The following ZDHHC6 variants were observed in gnomAD, a reference collection of about 807,000 sequenced individuals.
ZDHHC6 encodes zDHHC palmitoyltransferase 6, also known as palmitoyltransferase ZDHHC6.
Under a neutral mutation model 57.8 loss-of-function variants are expected in ZDHHC6, and 32 were observed. That is an observed-to-expected ratio of 0.55 (90% confidence interval 0.42 to 0.74). The LOEUF (loss-of-function observed/expected upper bound fraction) is 0.74, where lower values mean the gene tolerates loss of function less well. Ranked by LOEUF, ZDHHC6 falls within the 30% of genes least tolerant of loss-of-function variation. The pLI, the probability that ZDHHC6 is intolerant of heterozygous loss-of-function variation, is 0.00. For missense variants in ZDHHC6, 433 were observed against 500.7 expected (o/e 0.86, Z 1.29); for synonymous variants, 128 against 158.0 (o/e 0.81, Z 1.42).
chr10:112,431,599 T>TCAC (rs1429767391), intron 10 of ZDHHC6, among the ~76,000 whole-genome samples: 1 of 152,082 alleles, frequency 6.6e-6, no homozygotes, highest in African/African-American at 2.4e-5. Flanking sequence ...CAGGCATGAG[T>TCAC]CACCACACCT....
downstream of ZDHHC6, chr10:112,427,288 C>A (rs1844768777): frequency 6.2e-7 from 1 of 1,613,802 alleles, no homozygotes; most frequent in African/African-American, 1.3e-5. Flanking sequence ...ACATTGAAAG[C>A]AAAGCGAGGA....
intron 5 of ZDHHC6, among the ~76,000 whole-genome samples, chr10:112,439,207 A>G (rs1845833470): frequency 1.3e-5 from 2 of 152,046 alleles, no homozygotes; most frequent in Non-Finnish European, 2.9e-5. Context: ...CAAACAAACA[A>G]ACAACAATAA....
rs1440413870 is a variant in ZDHHC6, at chr10:112,430,431, A to G, written c.*373T>C. The G allele has an allele frequency of 6.4e-6, 1 of 156,990 alleles. No homozygotes were observed. Among genetic ancestry groups the G allele is most frequent in the Non-Finnish European group, 1.4e-5 (1 of 71,244 alleles). The allele number at this position is 156,990 out of a possible 1,614,324, so 9.7% of individuals were successfully genotyped here. A position where few individuals can be genotyped will look rare whatever the true frequency, so the allele number is the denominator to read the frequency against. On this transcript the variant is annotated 3_prime_UTR_variant, in exon 11 of 11. Coordinates refer to ENST00000369405, the MANE Select transcript of ZDHHC6 (RefSeq NM_022494.3). ...TAGTATCTAGAATATCATATAAGAA[A>G]TATCAACTGAGGGAAAAGAGAAGTA...
chr10:112,432,127 T>C (rs952554998), intron 10 of ZDHHC6, 113 bp downstream of exon 10: 6 of 993,496 alleles, frequency 6.0e-6, no homozygotes, highest in African/African-American at 4.9e-5. Context: ...TATACCCTTC[T>C]ATGCAGTTCC....
In ZDHHC6 at chr10:112,430,799, A is replaced by G. The variant is rs1232246837; in HGVS notation, c.*5T>C. The G allele has an allele frequency of 6.2e-7, 1 of 1,610,490 alleles. No homozygotes were observed. The highest frequency in any genetic ancestry group is 2.2e-5 in the East Asian group (1 of 44,836). ...ACTTAAAGGATAATTTTGTTTTAACAGCAGCTATCTATTTTTCTTCTCCCC... is the reference window on the plus strand; with the variant it reads ...ACTTAAAGGATAATTTTGTTTTAACGGCAGCTATCTATTTTTCTTCTCCCC... On this transcript the variant is annotated 3_prime_UTR_variant, in exon 11 of 11. Coordinates refer to ENST00000369405, the MANE Select transcript of ZDHHC6 (RefSeq NM_022494.3).
chr10:112,433,178 T>C lies in ZDHHC6; in HGVS notation c.945+62A>G, dbSNP rs188698236. Reference sequence around the variant, plus strand: ...TTTCTAGTCAGTCAATTAAAAAAACTGTATGGAAGTACAGAGCCTAACAAA... The same window carrying C: ...TTTCTAGTCAGTCAATTAAAAAAACCGTATGGAAGTACAGAGCCTAACAAA... On this transcript the variant is annotated intron_variant, in intron 8 of 10. Coordinates refer to ENST00000369405, the MANE Select transcript of ZDHHC6 (RefSeq NM_022494.3). The C allele has an allele frequency of 2.0e-4, 266 of 1,363,818 alleles. 3 individuals are homozygous for C. In the East Asian group the frequency reaches 5.8e-3, roughly 30 times the overall value. The allele number at this position is 1,363,818 out of a possible 1,614,324, so 84.5% of individuals were successfully genotyped here. A position where few individuals can be genotyped will look rare whatever the true frequency, so the allele number is the denominator to read the frequency against.
At chr10:112,426,751 A>C (rs201153352), downstream of ZDHHC6, 3 of 1,594,876 alleles carry the variant, frequency 1.9e-6, no homozygotes, top group South Asian at 1.1e-5. Context: ...AGGCTTTTTG[A>C]AACAGCCATG....
chr10:112,437,048 CA>C (rs1437120884), intron 6 of ZDHHC6, among the ~76,000 whole-genome samples: 1 of 151,672 alleles, frequency 6.6e-6, no homozygotes, highest in Admixed American at 6.6e-5. Context: ...AACATTTTCT[CA>C]AAAACGAACA....
At chr10:112,447,145 CTTATCTT>C, upstream of ZDHHC6, 1 of 525,064 alleles carries the variant, frequency 1.9e-6, no homozygotes, top group Non-Finnish European at 3.5e-6. Flanking sequence ...TGCGAACTTA[CTTATCTT>C]AAAGTCGGAG....
At chr10:112,426,208 C>A, downstream of ZDHHC6, 2 of 1,430,020 alleles carry the variant, frequency 1.4e-6, no homozygotes, top group Non-Finnish European at 2.0e-6. Context: ...TGGGGGACAT[C>A]CCTACATAAC....
chr10:112,445,401 A>C lies in ZDHHC6; in HGVS notation c.36T>G (p.Asn12Lys). 6.2e-7 allele frequency: 1 copy of C among 1,614,180 alleles called. No individual in the cohort carries two copies. The highest frequency in any genetic ancestry group is 1.3e-5 in the African/African-American group (1 of 75,048). Reference protein sequence around the residue: ...GTFCSVIKFENLQELKRLCHW... With the variant: ...GTFCSVIKFEKLQELKRLCHW... ...GACACAGTCTCTTTAATTCTTGTAG[A>C]TTTTCAAACTTGATAACCGAACAGA... is the stretch of plus-strand genomic sequence containing the variant. The change falls in exon 2 of 11, where the codon AAT (asparagine) becomes AAG (lysine). Residue 12 changes from asparagine (N) to lysine (K), a missense_variant. By Grantham distance (94) the Asn-to-Lys change is moderately conservative (BLOSUM62 0). Transcript: ENST00000369405.
At chr10:112,439,972 CA>C (rs1290599170) in intron 5 of ZDHHC6, among the ~76,000 whole-genome samples, 7 of 151,984 alleles carry the variant, frequency 4.6e-5, no homozygotes, top group African/African-American at 1.7e-4. Context: ...AATAAGTGCT[CA>C]ATAAATGTTA....
downstream of ZDHHC6, chr10:112,426,524 T>C: frequency 1.6e-6 from 1 of 635,568 alleles, no homozygotes; most frequent in Non-Finnish European, 2.7e-6. Flanking sequence ...TAAAACTCTC[T>C]TTTCTATTTA....
chr10:112,439,885 G>C (rs1327555643), intron 5 of ZDHHC6, among the ~76,000 whole-genome samples: 1 of 151,898 alleles, frequency 6.6e-6, no homozygotes, highest in Non-Finnish European at 1.5e-5. Flanking sequence ...GCTTTAAATA[G>C]CATCTTTATC....
rs775094284 is a variant in ZDHHC6 at position 112,432,478 on chromosome 10, G to A, written c.989C>T (p.Pro330Leu). 1 of 1,614,108 alleles carries A rather than the reference G, an allele frequency of 6.2e-7. No individual in the cohort carries two copies. Among genetic ancestry groups the A allele is most frequent in the African/African-American group, 1.3e-5 (1 of 75,030 alleles). Reference protein sequence around the residue: ...VIEDYSGACCPLNKGIKTFFT... With the variant: ...VIEDYSGACCLLNKGIKTFFT... ...GAAGGTTTTGATTCCTTTATTCAGA[G>A]GGCAGCAGGCACCACTATAATCTTC... is the stretch of plus-strand genomic sequence containing the variant. The change falls in exon 9 of 11, where the codon CCT (proline) becomes CTT (leucine). Residue 330 changes from proline to leucine, a missense_variant. By Grantham distance (98) the Pro-to-Leu change is moderately conservative (BLOSUM62 -3). Transcript: ENST00000369405.
chr10:112,425,554 T>A (rs192967311), downstream of ZDHHC6: 191 of 1,297,030 alleles, frequency 1.5e-4, no homozygotes, highest in Admixed American at 1.0e-3. Flanking sequence ...AGGAAATTTG[T>A]ATAGTTGGGT....
downstream of ZDHHC6, chr10:112,427,920 GTAAAT>G (rs1398782813): frequency 6.5e-6 from 1 of 152,872 alleles, no homozygotes; most frequent in African/African-American, 2.4e-5. Flanking sequence ...GCTCTTCTGC[GTAAAT>G]TAAATTGTGT....
Position 112,430,648 on chromosome 10 carries a change from C to CA in ZDHHC6, c.*155dup. On this transcript the variant is annotated 3_prime_UTR_variant, in exon 11 of 11. Transcript: ENST00000369405. ...CATATGCAGAATGGCTTCTCCATTT[C>CA]AAAATGGTAATAAAAATATTTAAAT... 1 of 583,868 alleles carries CA rather than the reference C, an allele frequency of 1.7e-6. No individual in the cohort carries two copies. The highest frequency in any genetic ancestry group is 4.2e-4 in the Middle Eastern group (1 of 2,384). 36.2% of individuals were successfully genotyped at this position (583,868 alleles called of 1,614,324 possible).
At chr10:112,435,191 G>A (rs1845412014) in intron 6 of ZDHHC6, among the ~76,000 whole-genome samples, 1 of 152,016 alleles carries the variant, frequency 6.6e-6, no homozygotes. Context: ...GAAATAAATT[G>A]GCTTTGGATT....
Sources: gnomAD v4.1 joint callset for allele counts (sites outside exome capture counted in the v4.1 genomes callset) on GRCh38, gnomAD v4.1.1 for gene constraint, MANE v1.5 for transcripts, NCBI Gene and HGNC (gene_info 2026-07-23, HGNC 2026-07-21) for gene names.